Variants in NFASC observed in about 807,000 individuals in gnomAD.
NFASC encodes neurofascin.
A neutral mutation model predicts 147.5 loss-of-function variants in NFASC; 43 were observed. The ratio of observed to expected loss-of-function variants is 0.29; its 90% CI spans 0.23 to 0.38. The LOEUF (loss-of-function observed/expected upper bound fraction) is 0.38. Among genes scored for constraint, NFASC ranks in the 10% least tolerant of loss-of-function variants. The pLI is 1.00. For missense variants in NFASC, 1,320 were observed against 1,689.0 expected (o/e 0.78, Z 3.83); for synonymous variants, 622 against 665.5 (o/e 0.93, Z 1.01).
chr1:204,948,569 A>G (rs1182075390), intron 3 of NFASC: 5 of 518,046 alleles, frequency 9.7e-6, no homozygotes, highest in South Asian at 4.2e-5. Flanking sequence ...CTGGCCAAGG[A>G]TGGATTTGTT....
At chr1:204,977,955 T>C (rs1363891819) in intron 17 of NFASC, among the ~76,000 whole-genome samples, 1 of 152,226 alleles carries the variant, frequency 6.6e-6, no homozygotes, top group Non-Finnish European at 1.5e-5. Flanking sequence ...GCTGCTGTTT[T>C]ACCCCATCCC....
chr1:204,884,677 A>G (rs772222296), intron 1 of NFASC, among the ~76,000 whole-genome samples: 1 of 152,100 alleles, frequency 6.6e-6, no homozygotes, highest in Non-Finnish European at 1.5e-5. Flanking sequence ...CCTCGCACAT[A>G]GTACTGTTCT....
In NFASC at chr1:204,950,328, G is replaced by A. The variant is rs72751464; in HGVS notation, c.92-229G>A. ...CAACTCTGTGGTTTTGGTCACCCAGGGGAGGCGTCACCTTCTCCATAAGGC... is the reference window on the plus strand; with the variant it reads ...CAACTCTGTGGTTTTGGTCACCCAGAGGAGGCGTCACCTTCTCCATAAGGC... On this transcript the variant is annotated intron_variant, in intron 3 of 29. Transcript: ENST00000339876. Among the ~76,000 whole-genome samples the A allele has an allele frequency of 4.9e-3, 753 of 152,264 alleles. 10 individuals carry two copies. The highest frequency in any genetic ancestry group is 1.0e-2 in the South Asian group (48 of 4,820).
chr1:204,920,352 A>C (rs936658888), intron 1 of NFASC, among the ~76,000 whole-genome samples: 2 of 152,006 alleles, frequency 1.3e-5, no homozygotes, highest in African/African-American at 4.8e-5. Flanking sequence ...GGGAATCAGC[A>C]ATTAGACTGT....
At chr1:204,928,736 A>G (rs1484868703) in intron 2 of NFASC, among the ~76,000 whole-genome samples, 1 of 152,202 alleles carries the variant, frequency 6.6e-6, no homozygotes, top group African/African-American at 2.4e-5. Context: ...TCCAAGCTAT[A>G]TGGCTTGATA....
At chr1:204,969,076 C>A in intron 10 of NFASC, 94 bp downstream of exon 10, 1 of 1,146,676 alleles carries the variant, frequency 8.7e-7, no homozygotes, top group Non-Finnish European at 1.2e-6. Flanking sequence ...CAGAGTGAGT[C>A]GGAGAGACTT....
rs77949760 is a variant in NFASC at position 204,972,675 on chromosome 1, G to T, written c.1136-601G>T. Among the ~76,000 whole-genome samples, 1,111 of 152,328 alleles carry T rather than the reference G, an allele frequency of 7.3e-3. 71 individuals carry two copies. The East Asian group carries it at 0.16, about 21-fold the overall frequency. ...ATTTTCAAGAGGCATTGGCTTATGG[G>T]TTTAACTTTATGAATGTTTGGAGCA... is the stretch of plus-strand genomic sequence containing the variant. On this transcript the variant is annotated intron_variant, in intron 11 of 29. Coordinates refer to ENST00000339876, the MANE Select transcript of NFASC (RefSeq NM_001005388.3).
Position 204,987,522 on chromosome 1 carries a change from A to T in NFASC, c.2575A>T (p.Thr859Ser). The part of the protein sequence containing the change: ...EHPNGIMIGY[T>S]LKYVAFNGTK... ...TCCAAATGGGATCATGATTGGATAC[A>T]CTCTCAAATATGTGGCCTGTACGTT... is the stretch of plus-strand genomic sequence containing the variant. Residue 859 changes from threonine to serine, a missense_variant, in exon 22 of 30, where the codon ACT becomes TCT. Physicochemically the swap from Thr to Ser is moderately conservative, Grantham distance 58. Transcript: ENST00000339876. The surrounding 1 kb of genome is among the most constrained non-coding windows in gnomAD (Gnocchi z 4.4). 1 of 1,613,922 alleles carries T rather than the reference A, an allele frequency of 6.2e-7. No individual in the cohort carries two copies. Among genetic ancestry groups the T allele is most frequent in the African/African-American group, 1.3e-5 (1 of 74,940 alleles).
At chr1:204,862,236 A>T (rs1254703100) in intron 1 of NFASC, among the ~76,000 whole-genome samples, 1 of 152,162 alleles carries the variant, frequency 6.6e-6, no homozygotes, top group East Asian at 1.9e-4. Context: ...TTAAGAAAAA[A>T]AATTACCATC....
intron 1 of NFASC, among the ~76,000 whole-genome samples, chr1:204,902,520 CAG>C (rs1310261131): frequency 6.6e-6 from 1 of 151,660 alleles, no homozygotes; most frequent in East Asian, 1.9e-4. Context: ...CATTTTGTAA[CAG>C]AGTCATTGTC....
At chr1:204,962,758 C>T (rs994726863) in intron 8 of NFASC, among the ~76,000 whole-genome samples, 2 of 152,126 alleles carry the variant, frequency 1.3e-5, no homozygotes, top group Admixed American at 6.5e-5. Context: ...AACCATCCAC[C>T]GTACCCTCTC....
intron 1 of NFASC, among the ~76,000 whole-genome samples, chr1:204,907,246 C>G (rs1398417567): frequency 6.6e-6 from 1 of 152,138 alleles, no homozygotes; most frequent in Non-Finnish European, 1.5e-5. Context: ...GTTTGCCATA[C>G]ATATATCATC....
intron 2 of NFASC, among the ~76,000 whole-genome samples, chr1:204,938,180 C>T (rs1392925687): frequency 2.6e-5 from 4 of 152,242 alleles, no homozygotes; most frequent in Non-Finnish European, 2.9e-5. Flanking sequence ...GTGGAATCAA[C>T]ACCACGGGCC....
chr1:204,958,661 C>T (rs1314812258), intron 8 of NFASC, among the ~76,000 whole-genome samples: 5 of 152,122 alleles, frequency 3.3e-5, no homozygotes, highest in Admixed American at 6.5e-5. Flanking sequence ...AAAGGAGCCC[C>T]CCAAAAAACA....
chr1:205,016,858 A>T lies in NFASC; in HGVS notation c.*319A>T, dbSNP rs2096366712. 1 of 440,678 alleles carries T rather than the reference A, an allele frequency of 2.3e-6. No homozygotes were observed. Among genetic ancestry groups the T allele is most frequent in the African/African-American group, 2.0e-5 (1 of 49,892 alleles). 27.3% of individuals were successfully genotyped at this position (440,678 alleles called of 1,614,324 possible). A position where few individuals can be genotyped will look rare whatever the true frequency, so the allele number is the denominator to read the frequency against. On this transcript the variant is annotated 3_prime_UTR_variant, in exon 30 of 30. Coordinates refer to ENST00000339876, the MANE Select transcript of NFASC (RefSeq NM_001005388.3). The surrounding 1 kb of genome is among the most constrained non-coding windows in gnomAD (Gnocchi z 5.1). ...CACACTGTCCGCCCTTGGCCTCGGCACACGCTCACCTTTTCTGTTGGTTAC... is the reference window on the plus strand; with the variant it reads ...CACACTGTCCGCCCTTGGCCTCGGCTCACGCTCACCTTTTCTGTTGGTTAC...
intron 1 of NFASC, among the ~76,000 whole-genome samples, chr1:204,898,787 C>T (rs565605120): frequency 1.3e-5 from 2 of 152,220 alleles, no homozygotes; most frequent in South Asian, 4.2e-4. Context: ...CACAAGGTCC[C>T]GTGTAGTTCA....
chr1:204,915,611 G>A (rs973728209), intron 1 of NFASC, among the ~76,000 whole-genome samples: 2 of 152,106 alleles, frequency 1.3e-5, no homozygotes, highest in Non-Finnish European at 2.9e-5. Context: ...CACGTGAAGG[G>A]ATTAACTATT....
At chr1:204,971,456 G>T (rs769024902) in intron 11 of NFASC, among the ~76,000 whole-genome samples, 2 of 152,148 alleles carry the variant, frequency 1.3e-5, no homozygotes, top group Non-Finnish European at 2.9e-5. Flanking sequence ...GTAAACAATG[G>T]TATCAACCAA....
Position 204,954,416 on chromosome 1 carries a change from T to C in NFASC, c.412+32T>C. On this transcript the variant is annotated intron_variant, in intron 6 of 29. Coordinates refer to ENST00000339876, the MANE Select transcript of NFASC (RefSeq NM_001005388.3). This position sits in a 1 kb window ranked among gnomAD's most constrained non-coding sequence, Gnocchi z 5.7. Reference sequence around the variant, plus strand: ...AGCGTGGGGCAGGGCTGAAATGCCCTGCTCCTGGGTAAATGGAGAGTGGGG... The same window carrying C: ...AGCGTGGGGCAGGGCTGAAATGCCCCGCTCCTGGGTAAATGGAGAGTGGGG... 6.3e-7 allele frequency: 1 copy of C among 1,598,628 alleles called. No homozygotes were observed. Among genetic ancestry groups the C allele is most frequent in the Non-Finnish European group, 8.5e-7 (1 of 1,169,732 alleles).
Sources: allele counts gnomAD v4.1 joint callset (sites outside exome capture counted in the v4.1 genomes callset), GRCh38; gene constraint gnomAD v4.1.1; non-coding constraint Gnocchi (gnomAD v3.1); transcripts MANE v1.5; gene names NCBI Gene and HGNC (gene_info 2026-07-23, HGNC 2026-07-21).